The following RARB variants were observed in gnomAD, a reference collection of about 807,000 sequenced individuals.
The protein encoded by RARB is retinoic acid receptor beta.
In RARB, 17 loss-of-function variants were observed where a neutral mutation model predicts 51.9. That is an observed-to-expected ratio of 0.33 (90% CI 0.22 to 0.49). The LOEUF (loss-of-function observed/expected upper bound fraction) is 0.49, where lower values mean the gene tolerates loss of function less well. RARB is among the 20% of genes least tolerant of loss of function. The probability of loss-of-function intolerance (pLI) is 0.99; values close to 1 mark genes in which losing one functional copy is unlikely to be tolerated. For missense variants in RARB, 369 were observed against 550.8 expected (o/e 0.67, Z 3.30); for synonymous variants, 215 against 195.4 (o/e 1.10, Z -0.84).
intron 5 of RARB, among the ~76,000 whole-genome samples, chr3:25,254,631 A>G (rs752369958): frequency 6.6e-6 from 1 of 151,872 alleles, no homozygotes; most frequent in Admixed American, 6.6e-5. Context: ...TCATGCCTAA[A>G]ATATTTAAAA....
chr3:24,934,007 A>ATG (rs1487819975), intron 2 of RARB, among the ~76,000 whole-genome samples: 1 of 152,168 alleles, frequency 6.6e-6, no homozygotes, highest in Non-Finnish European at 1.5e-5. Context: ...TAATCGAACA[A>ATG]TGTTTTGTTT....
intron 5 of RARB, among the ~76,000 whole-genome samples, chr3:25,210,364 C>T (rs1701661870): frequency 6.6e-6 from 1 of 151,936 alleles, no homozygotes; most frequent in Admixed American, 6.6e-5. Context: ...ATTATGACCA[C>T]AGGCCAAATC....
At chr3:25,335,377 A>G (rs1237783626) in intron 5 of RARB, among the ~76,000 whole-genome samples, 1 of 152,242 alleles carries the variant, frequency 6.6e-6, no homozygotes, top group Non-Finnish European at 1.5e-5. Context: ...TTGGATAAAA[A>G]TAATTGTCAG....
At chr3:25,045,156 C>T (rs7652292) in intron 2 of RARB, among the ~76,000 whole-genome samples, 9,257 of 152,248 alleles carry the variant, frequency 0.061, 368 homozygotes, top group Middle Eastern at 0.095. Context: ...GCTGGAATAG[C>T]AAAAGTACAG....
chr3:24,970,695 G>GA (rs1206454731), intron 2 of RARB, among the ~76,000 whole-genome samples: 89 of 149,444 alleles, frequency 6.0e-4, no homozygotes, highest in Non-Finnish European at 6.7e-4. Context: ...CTTTTAATTG[G>GA]AAAAAAAAAT....
intron 5 of RARB, among the ~76,000 whole-genome samples, chr3:25,399,614 G>T (rs531150214): frequency 6.6e-6 from 1 of 152,162 alleles, no homozygotes; most frequent in African/African-American, 2.4e-5. Context: ...AAAAGCCTCC[G>T]TGTGAGTCCT....
intron 1 of RARB, among the ~76,000 whole-genome samples, chr3:25,434,883 A>G (rs972893082): frequency 2.6e-5 from 4 of 152,060 alleles, no homozygotes; most frequent in South Asian, 2.1e-4. Context: ...CCCCATCTGC[A>G]TCAGATGACA....
intron 2 of RARB, among the ~76,000 whole-genome samples, chr3:24,915,537 G>A (rs545220730): frequency 8.1e-4 from 124 of 152,298 alleles, no homozygotes; most frequent in African/African-American, 2.6e-3. Flanking sequence ...TAAATTGCTA[G>A]GAAATCATGC....
chr3:25,446,613 C>T lies in RARB; in HGVS notation c.158-14580C>T, dbSNP rs146821373. ...GGTCAGGAGATTGAGACCATCCTGG[C>T]GAACACGGTGAAACCCCATCTCTAC... On this transcript the variant is annotated intron_variant, in intron 1 of 7. Transcript: ENST00000330688. Among the ~76,000 whole-genome samples the T allele has an allele frequency of 6.4e-3, 968 of 151,930 alleles. 7 individuals are homozygous for T. Among genetic ancestry groups the T allele is most frequent in the African/African-American group, 0.022 (921 of 41,448 alleles).
At chr3:25,428,138 A>T, upstream of RARB, 1 of 966,576 alleles carries the variant, frequency 1.0e-6, no homozygotes, top group Non-Finnish European at 1.3e-6. Flanking sequence ...GGAGTTTTTA[A>T]GCTCTGTGAG....
At chr3:25,568,419 T>C (rs1700579971) in intron 3 of RARB, among the ~76,000 whole-genome samples, 1 of 152,168 alleles carries the variant, frequency 6.6e-6, no homozygotes, top group Non-Finnish European at 1.5e-5. Flanking sequence ...AAAATGTTCC[T>C]GGTCTCCCCA....
chr3:25,004,150 T>C (rs1363289058), intron 2 of RARB, among the ~76,000 whole-genome samples: 2 of 152,120 alleles, frequency 1.3e-5, no homozygotes, highest in African/African-American at 4.8e-5. Flanking sequence ...TTTTGTAGGA[T>C]GTTTTTAAGG....
At chr3:25,343,693 G>GTA (rs1248844301) in intron 5 of RARB, among the ~76,000 whole-genome samples, 1 of 151,996 alleles carries the variant, frequency 6.6e-6, no homozygotes, top group Non-Finnish European at 1.5e-5. Flanking sequence ...TTTCTAAGAG[G>GTA]TATATGGTTT....
chr3:25,501,988 G>A lies in RARB; in HGVS notation c.448+665G>A, dbSNP rs112245973. On this transcript the variant is annotated intron_variant, in intron 3 of 7. Coordinates refer to ENST00000330688, the MANE Select transcript of RARB (RefSeq NM_000965.5). Reference sequence around the variant, plus strand: ...GTATGTGTACACTGCAACAAATTTCGCTCTTTCTCTATTTGATGTGTACAA... The same window carrying A: ...GTATGTGTACACTGCAACAAATTTCACTCTTTCTCTATTTGATGTGTACAA... 8.5e-5 allele frequency among the ~76,000 whole-genome samples: 13 copies of A among 152,254 alleles called. No individual in the cohort carries two copies. The South Asian group carries it at 1.9e-3, about 22-fold the overall frequency.
At chr3:25,328,241 C>A (rs776613270) in intron 5 of RARB, among the ~76,000 whole-genome samples, 5 of 152,200 alleles carry the variant, frequency 3.3e-5, no homozygotes, top group Non-Finnish European at 5.9e-5. Context: ...GCCTCTAGGC[C>A]GGGTGCAGTG....
At chr3:25,008,007 G>A (rs556177014) in intron 2 of RARB, among the ~76,000 whole-genome samples, 150 of 152,202 alleles carry the variant, frequency 9.9e-4, no homozygotes, top group Non-Finnish European at 1.7e-3. Context: ...GAAAAGGTAT[G>A]TGTAAGGTCT....
Position 24,928,349 on chromosome 3 carries a change from C to T in RARB, c.-380+69597C>T, listed in dbSNP as rs146083805. On this transcript the variant is annotated intron_variant, in intron 2 of 11. Transcript: ENST00000383772. ...GTACCAAAATTGTAATTCATACTTACATTAAAATATAACCCATCCTGTAAG... is the reference window on the plus strand; with the variant it reads ...GTACCAAAATTGTAATTCATACTTATATTAAAATATAACCCATCCTGTAAG... 1.1e-4 allele frequency among the ~76,000 whole-genome samples: 17 copies of T among 152,076 alleles called. No individual in the cohort carries two copies. The East Asian group carries it at 2.3e-3, about 21-fold the overall frequency.
chr3:25,288,295 A>G (rs568869468), intron 5 of RARB, among the ~76,000 whole-genome samples: 2 of 152,294 alleles, frequency 1.3e-5, no homozygotes, highest in South Asian at 4.1e-4. Context: ...CAGCAGCAAA[A>G]GAAATCATCT....
intron 5 of RARB, among the ~76,000 whole-genome samples, chr3:25,315,198 A>G (rs767353478): frequency 7.9e-5 from 12 of 152,080 alleles, no homozygotes; most frequent in Non-Finnish European, 1.8e-4. Flanking sequence ...GTCTTCACAC[A>G]ATGCAAAAAA....
Sources: gnomAD v4.1 joint callset for allele counts (sites outside exome capture counted in the v4.1 genomes callset) on GRCh38, gnomAD v4.1.1 for gene constraint, MANE v1.5 for transcripts, NCBI Gene and HGNC (gene_info 2026-07-23, HGNC 2026-07-21) for gene names.